Variants in CNST observed in about 807,000 individuals in gnomAD.
CNST encodes consortin.
In CNST, 39 loss-of-function variants were observed where a neutral mutation model predicts 72.4. The observed-to-expected ratio is 0.54, with a 90% CI of 0.42 to 0.70. The LOEUF (loss-of-function observed/expected upper bound fraction) is 0.70, where lower values mean the gene tolerates loss of function less well. CNST is among the 30% of genes least tolerant of loss of function. CNST has a pLI of 0.00. For missense variants in CNST, 871 were observed against 868.5 expected, an observed-to-expected ratio of 1.00 and a Z score of -0.04; for synonymous variants, 332 against 320.1, an observed-to-expected ratio of 1.04 and a Z score of -0.40.
intron 2 of CNST, chr1:246,605,982 G>A (rs1431793951): frequency 6.6e-6 from 1 of 152,106 alleles, no homozygotes; most frequent in East Asian, 1.9e-4. Flanking sequence ...CGGCCCCGGG[G>A]AGAATCTTTC....
At chr1:246,586,141 G>GTGTGTGTGTGTGTA (rs1488972688) in intron 1 of CNST, among the ~76,000 whole-genome samples, 11 of 145,176 alleles carry the variant, frequency 7.6e-5, no homozygotes, top group African/African-American at 2.8e-4. Context: ...GTGTGTGTGT[G>GTGTGTGTGTGTGTA]TATATATTAC....
chr1:246,627,375 G>T (rs1024079157), intron 3 of CNST, among the ~76,000 whole-genome samples: 2 of 152,228 alleles, frequency 1.3e-5, no homozygotes, highest in African/African-American at 4.8e-5. Flanking sequence ...CCTTCTGACA[G>T]CTTCTCAGAT....
chr1:246,618,840 G>A (rs984932273), intron 2 of CNST, among the ~76,000 whole-genome samples: 4 of 152,138 alleles, frequency 2.6e-5, no homozygotes, highest in African/African-American at 9.7e-5. Flanking sequence ...AGATAACCAC[G>A]ATGCAGGTTG....
At chr1:246,588,869 A>C (rs750072732) in intron 1 of CNST, among the ~76,000 whole-genome samples, 2 of 152,188 alleles carry the variant, frequency 1.3e-5, no homozygotes, top group Non-Finnish European at 2.9e-5. Flanking sequence ...AAACATTCAC[A>C]TACCCAAGTT....
At chr1:246,640,366 C>T (rs901054580) in intron 6 of CNST, among the ~76,000 whole-genome samples, 10 of 152,082 alleles carry the variant, frequency 6.6e-5, no homozygotes, top group Non-Finnish European at 1.3e-4. Context: ...AAATAGAATA[C>T]AGTATCTAAC....
At chr1:246,634,911 G>A (rs1045053396) in intron 6 of CNST, among the ~76,000 whole-genome samples, 1 of 151,804 alleles carries the variant, frequency 6.6e-6, no homozygotes, top group Non-Finnish European at 1.5e-5. Context: ...CTGATGTAAC[G>A]GCTACGTGGT....
At chr1:246,573,728 GA>G (rs1297335382) in intron 1 of CNST, among the ~76,000 whole-genome samples, 1 of 152,144 alleles carries the variant, frequency 6.6e-6, no homozygotes, top group Non-Finnish European at 1.5e-5. Flanking sequence ...CTGGGCTGAG[GA>G]AACATATTCT....
rs185202545 is a variant in CNST, at chr1:246,644,457, A to T, written c.937+2420A>T. Among the ~76,000 whole-genome samples, 6 of 152,062 alleles carry T rather than the reference A, an allele frequency of 3.9e-5. No individual in the cohort carries two copies. In the South Asian group the frequency reaches 6.2e-4, roughly 16 times the overall value. On this transcript the variant is annotated intron_variant, in intron 8 of 10. Coordinates refer to ENST00000366513, the MANE Select transcript of CNST (RefSeq NM_152609.3). ...AGAGCTTAGCCCTATTCAATCCTGA[A>T]CTTGATTTTCACATTTAAATCTCAC... is the stretch of plus-strand genomic sequence containing the variant.
intron 9 of CNST, among the ~76,000 whole-genome samples, chr1:246,653,407 CG>C (rs1476048894): frequency 1.3e-5 from 2 of 152,158 alleles, no homozygotes; most frequent in Non-Finnish European, 2.9e-5. Flanking sequence ...TCTATGGATC[CG>C]GAACAAAAGA....
At chr1:246,639,465 G>A (rs916308169) in intron 6 of CNST, among the ~76,000 whole-genome samples, 1 of 152,118 alleles carries the variant, frequency 6.6e-6, no homozygotes, top group Non-Finnish European at 1.5e-5. Flanking sequence ...GGTCGGTTGT[G>A]AGCCCTCGGG....
intron 9 of CNST, among the ~76,000 whole-genome samples, chr1:246,659,875 T>C (rs534066464): frequency 6.6e-6 from 1 of 152,194 alleles, no homozygotes; most frequent in South Asian, 2.1e-4. Flanking sequence ...GGACTGTGAG[T>C]GATCATTTTA....
At position 246,644,320 on chromosome 1, in the gene CNST, C is replaced by T. The variant is rs571856419; in HGVS notation, c.937+2283C>T. ...AGGAGAATGGCGTGAACCCGGGAGG[C>T]GGAGCTTGCAGTGAGCTGAGATGGC... On this transcript the variant is annotated intron_variant, in intron 8 of 10. Transcript: ENST00000366513. 1.9e-4 allele frequency among the ~76,000 whole-genome samples: 25 copies of T among 134,550 alleles called. No homozygotes were observed. In the South Asian group the frequency reaches 3.3e-3, roughly 18 times the overall value. The allele number at this position is 134,550 out of a possible 152,430, so 88.3% of individuals were successfully genotyped here. A position where few individuals can be genotyped will look rare whatever the true frequency, so the allele number is the denominator to read the frequency against.
intron 6 of CNST, among the ~76,000 whole-genome samples, chr1:246,635,913 G>C (rs989731258): frequency 2.6e-5 from 4 of 152,164 alleles, no homozygotes; most frequent in Non-Finnish European, 5.9e-5. Flanking sequence ...CGAGGGTGTT[G>C]CCCGCCTGCT....
intron 1 of CNST, among the ~76,000 whole-genome samples, chr1:246,588,219 A>G (rs943934918): frequency 9.9e-5 from 15 of 152,138 alleles, no homozygotes; most frequent in Non-Finnish European, 1.9e-4. Context: ...AGTATTTAGA[A>G]TGATTACTGA....
intron 1 of CNST, among the ~76,000 whole-genome samples, chr1:246,568,596 A>G (rs1659868692): frequency 6.6e-6 from 1 of 152,074 alleles, no homozygotes; most frequent in Non-Finnish European, 1.5e-5. Flanking sequence ...GCCTTTTTGA[A>G]GTAATTTTGA....
intron 2 of CNST, among the ~76,000 whole-genome samples, chr1:246,611,548 A>AT (rs1663317784): frequency 6.6e-6 from 1 of 152,208 alleles, no homozygotes; most frequent in Non-Finnish European, 1.5e-5. Context: ...GATGTCATTG[A>AT]TTTAGAAACT....
rs1665704697 is a variant in CNST at position 246,641,764 on chromosome 1, A to G, written c.834A>G (p.Lys278=). The G allele has an allele frequency of 1.5e-6, 2 of 1,357,746 alleles. No individual in the cohort carries two copies. Among genetic ancestry groups the G allele is most frequent in the Non-Finnish European group, 1.0e-6 (1 of 958,150 alleles). The allele number at this position is 1,357,746 out of a possible 1,614,324, so 84.1% of individuals were successfully genotyped here. ...TTTCCTACAGTCCTCTTTTATCCAA[A>G]CATAAGGTAAGAGATTGTTTCTTTT... ...CATHQDPLLS[K]HKIAAVEKSQ... The change falls in exon 7 of 11, where the codon AAA becomes AAG. Residue 278 remains lysine (K), a synonymous_variant. Coordinates refer to ENST00000366513, the MANE Select transcript of CNST (RefSeq NM_152609.3).
chr1:246,599,437 C>T lies in CNST; in HGVS notation c.379+7496C>T, dbSNP rs61852376. Among the ~76,000 whole-genome samples, 3 of 152,180 alleles carry T rather than the reference C, an allele frequency of 2.0e-5. No homozygotes were observed. The East Asian group carries it at 5.8e-4, about 29-fold the overall frequency. On this transcript the variant is annotated intron_variant, in intron 2 of 10. Transcript: ENST00000366513. ...CCGGATTCTAGAGGCTTCCCACATT[C>T]CCCAGCTTCTGTTACCCTTCCTCCA...
At chr1:246,586,022 A>G (rs1223559152) in intron 1 of CNST, among the ~76,000 whole-genome samples, 2 of 150,704 alleles carry the variant, frequency 1.3e-5, no homozygotes, top group Non-Finnish European at 3.0e-5. Flanking sequence ...CAAGGCTGCA[A>G]TGAGCTATGA....
Sources: allele counts gnomAD v4.1 joint callset (sites outside exome capture counted in the v4.1 genomes callset), GRCh38; gene constraint gnomAD v4.1.1; transcripts MANE v1.5; gene names NCBI Gene and HGNC (gene_info 2026-07-23, HGNC 2026-07-21).